The following CEACAM3 variants were observed in gnomAD, a reference collection of about 807,000 sequenced individuals.
CEACAM3 encodes cell adhesion molecule CEACAM3.
A neutral mutation model predicts 30.1 loss-of-function variants in CEACAM3; 32 were observed. The ratio of observed to expected loss-of-function variants is 1.06; its 90% CI spans 0.80 to 1.43. CEACAM3 has a LOEUF of 1.43. CEACAM3 is among the 40% of genes most tolerant of loss of function. The pLI, the probability that CEACAM3 is intolerant of heterozygous loss-of-function variation, is 0.00. For synonymous variants in CEACAM3, 134 were observed against 127.2 expected (o/e 1.05, Z -0.36); for missense variants, 290 against 316.3 (o/e 0.92, Z 0.63).
intron 3 of CEACAM3, 61 bp from the exon 4 acceptor site, chr19:41,809,904 C>T (rs893631210): frequency 7.1e-6 from 11 of 1,556,122 alleles, no homozygotes; most frequent in African/African-American, 2.7e-5. Context: ...GTCCCCTGTT[C>T]GAACTCCAAA....
chr19:41,808,994 G>A (rs973991644), intron 3 of CEACAM3, 64 bp downstream of exon 3: 1 of 1,220,708 alleles, frequency 8.2e-7, no homozygotes, highest in Admixed American at 2.4e-5. Flanking sequence ...AAAGAAAGGA[G>A]ACCTTGTCCT....
intron 2 of CEACAM3, among the ~76,000 whole-genome samples, chr19:41,804,314 TG>T (rs1238442336): frequency 1.3e-5 from 2 of 152,252 alleles, no homozygotes; most frequent in East Asian, 1.9e-4. Context: ...TATCATAAGA[TG>T]GGGTCTTCGG....
chr19:41,810,393 C>A, intron 5 of CEACAM3, 39 bp downstream of exon 5: 1 of 1,577,866 alleles, frequency 6.3e-7, no homozygotes, highest in East Asian at 2.3e-5. Flanking sequence ...TACTGGGGTC[C>A]CAGCTGTGCA....
intron 2 of CEACAM3, among the ~76,000 whole-genome samples, chr19:41,801,687 C>T (rs2073149081): frequency 1.3e-5 from 2 of 152,122 alleles, no homozygotes; most frequent in Non-Finnish European, 2.9e-5. Flanking sequence ...GATGTGGCAA[C>T]TGATCCTGGT....
At chr19:41,804,540 T>G (rs1258271962) in intron 2 of CEACAM3, among the ~76,000 whole-genome samples, 1 of 152,202 alleles carries the variant, frequency 6.6e-6, no homozygotes, top group Non-Finnish European at 1.5e-5. Context: ...TCACATCTCC[T>G]AATTTGGTAT....
At chr19:41,809,816 T>C (rs531259073) in intron 3 of CEACAM3, 149 bp from the exon 4 acceptor site, 3 of 747,894 alleles carry the variant, frequency 4.0e-6, no homozygotes, top group East Asian at 5.0e-5. Flanking sequence ...AACTCCCCTC[T>C]GCTGGGCTCC....
chr19:41,798,802 T>A (rs1227884096), intron 2 of CEACAM3, among the ~76,000 whole-genome samples: 1 of 152,168 alleles, frequency 6.6e-6, no homozygotes, highest in African/African-American at 2.4e-5. Context: ...ATTGTAAATA[T>A]TTTGAGATTA....
Position 41,797,571 on chromosome 19 carries a change from A to G in CEACAM3, c.65-18A>G, listed in dbSNP as rs1555825353. On this transcript the variant is annotated intron_variant, in intron 1 of 6. Coordinates refer to ENST00000357396, the MANE Select transcript of CEACAM3 (RefSeq NM_001815.5). The stretch of plus-strand genomic sequence containing the variant: ...AATACATGGGTCCCAATATTGACTG[A>G]TGCTTTCTCCCTCCTAGCCTCACTT... 6.2e-7 allele frequency: 1 copy of G among 1,604,988 alleles called. No individual in the cohort carries two copies. Among genetic ancestry groups the G allele is most frequent in the Admixed American group, 1.7e-5 (1 of 59,374 alleles).
At chr19:41,809,449 A>G (rs2073230880) in intron 3 of CEACAM3, 1 of 162,290 alleles carries the variant, frequency 6.2e-6, no homozygotes, top group Non-Finnish European at 1.3e-5. Context: ...TGGGCCTCAG[A>G]ACAGCATGTC....
chr19:41,799,423 C>T (rs920014445), intron 2 of CEACAM3, among the ~76,000 whole-genome samples: 9 of 152,204 alleles, frequency 5.9e-5, no homozygotes, highest in Non-Finnish European at 8.8e-5. Flanking sequence ...GCCGAGCAGA[C>T]GCTGGTGCCA....
At chr19:41,803,688 G>A (rs1333495754) in intron 2 of CEACAM3, among the ~76,000 whole-genome samples, 7 of 82,336 alleles carry the variant, frequency 8.5e-5, no homozygotes, top group Non-Finnish European at 1.3e-4. Flanking sequence ...GGATGGTCTC[G>A]ACCTCCCAAC....
In CEACAM3 at chr19:41,809,967, C is replaced by A. The variant is rs782307972; in HGVS notation, c.545C>A (p.Thr182Asn). The change falls in exon 4 of 7, where the codon ACC (threonine) becomes AAC (asparagine). Residue 182 changes from threonine (T) to asparagine (N), a missense_variant and splice_region_variant. Transcript: ENST00000357396. ...CAAATGACCCTGACCTTTCCTAGAA[C>A]CAGCATCCAGCGTGACCTCAAGGAG... Reference protein sequence around the residue: ...CFLLLAKTGRTSIQRDLKEQQ... With the variant: ...CFLLLAKTGRNSIQRDLKEQQ... The A allele has an allele frequency of 6.2e-7, 1 of 1,613,934 alleles. No individual in the cohort carries two copies. Among genetic ancestry groups the A allele is most frequent in the South Asian group, 1.1e-5 (1 of 91,084 alleles).
intron 2 of CEACAM3, among the ~76,000 whole-genome samples, chr19:41,799,433 A>T (rs1449396826): frequency 3.3e-5 from 5 of 152,166 alleles, no homozygotes; most frequent in African/African-American, 9.6e-5. Flanking sequence ...CGCTGGTGCC[A>T]TGCCTGTATA....
intron 1 of CEACAM3, chr19:41,797,208 C>G (rs1286538328): frequency 3.9e-6 from 1 of 254,578 alleles, no homozygotes; most frequent in African/African-American, 2.2e-5. Flanking sequence ...AGATAGACAC[C>G]CAAAGAGATC....
At chr19:41,810,150 C>A in intron 4 of CEACAM3, 133 bp downstream of exon 4, 1 of 1,285,932 alleles carries the variant, frequency 7.8e-7, no homozygotes, top group South Asian at 1.3e-5. Flanking sequence ...TAAAACATCA[C>A]ACAGGGGACC....
Position 41,796,646 on chromosome 19 carries a change from C to T in CEACAM3, c.-32C>T. ...CATTCCTGGAGCCCAGGCTCTTTTC[C>T]ACAGAGGAGGAAAGAGCAGGCAGCA... is the stretch of plus-strand genomic sequence containing the variant. On this transcript the variant is annotated 5_prime_UTR_variant, in exon 1 of 7. Transcript: ENST00000357396. The T allele has an allele frequency of 6.2e-7, 1 of 1,611,912 alleles. No homozygotes were observed. The highest frequency in any genetic ancestry group is 8.5e-7 in the Non-Finnish European group (1 of 1,177,988).
chr19:41,802,409 G>A (rs782121454), intron 2 of CEACAM3, among the ~76,000 whole-genome samples: 35 of 152,172 alleles, frequency 2.3e-4, no homozygotes, highest in Non-Finnish European at 4.6e-4. Context: ...TAATTGCCCC[G>A]CATATTGGAG....
intron 2 of CEACAM3, 25 bp from the exon 3 acceptor site, chr19:41,808,788 C>T (rs1361154307): frequency 4.4e-6 from 7 of 1,590,488 alleles, no homozygotes; most frequent in Non-Finnish European, 5.2e-6. Context: ...GGGCCTCTAT[C>T]CCCTTTGCCT....
At chr19:41,806,875 G>C (rs1555826821) in intron 2 of CEACAM3, among the ~76,000 whole-genome samples, 1 of 152,098 alleles carries the variant, frequency 6.6e-6, no homozygotes. Flanking sequence ...TTTTAGTAGA[G>C]ACGGGGTTTC....
Sources: gnomAD v4.1 joint callset for allele counts (sites outside exome capture counted in the v4.1 genomes callset) on GRCh38, gnomAD v4.1.1 for gene constraint, MANE v1.5 for transcripts, NCBI Gene and HGNC (gene_info 2026-07-23, HGNC 2026-07-21) for gene names.